HMCN1: variants seen among roughly 807,000 people sequenced by gnomAD.
HMCN1 encodes the protein hemicentin 1, also known as hemicentin-1.
A neutral mutation model predicts 625.9 loss-of-function variants in HMCN1; 321 were observed. The observed-to-expected ratio is 0.51, with a 90% CI of 0.47 to 0.56. The LOEUF (loss-of-function observed/expected upper bound fraction) is 0.56. Ranked by LOEUF, HMCN1 falls within the 20% of genes least tolerant of loss-of-function variation. The probability of loss-of-function intolerance (pLI) is 0.00; values close to 1 mark genes in which losing one functional copy is unlikely to be tolerated. For missense variants in HMCN1, 6,588 were observed against 6,887.3 expected (o/e 0.96, Z 1.54); for synonymous variants, 2,425 against 2,417.6 (o/e 1.00, Z -0.09).
At chr1:185,895,020 C>T (rs781084519) in intron 4 of HMCN1, among the ~76,000 whole-genome samples, 17 of 152,006 alleles carry the variant, frequency 1.1e-4, no homozygotes, top group Non-Finnish European at 2.2e-4. Flanking sequence ...TTCTGAGTCA[C>T]GAGTTAGTTA....
At chr1:186,084,229 A>T (rs1659341084) in intron 57 of HMCN1, among the ~76,000 whole-genome samples, 1 of 152,162 alleles carries the variant, frequency 6.6e-6, no homozygotes. Flanking sequence ...TGGTCTCCCT[A>T]AACCTAGAAT....
At position 186,160,065 on chromosome 1, in the gene HMCN1, T is replaced by G. The variant is rs543944788; in HGVS notation, c.15257-5046T>G. Among the ~76,000 whole-genome samples, 1,203 of 151,610 alleles carry G rather than the reference T, an allele frequency of 7.9e-3. 9 individuals carry two copies. The highest frequency in any genetic ancestry group is 0.013 in the Non-Finnish European group (873 of 67,886). On this transcript the variant is annotated intron_variant, in intron 97 of 106. Transcript: ENST00000271588. ...CCATCTGGTCCTGGACTCTTTTTGG[T>G]TGGTAAGCTATTGATTATTGCCACA...
At chr1:186,084,809 T>C (rs150157302) in intron 57 of HMCN1, among the ~76,000 whole-genome samples, 2 of 152,234 alleles carry the variant, frequency 1.3e-5, no homozygotes, top group East Asian at 1.9e-4. Context: ...CCAAATGTTT[T>C]ATATAGGTTA....
chr1:185,912,108 A>T (rs1236084863), intron 6 of HMCN1, among the ~76,000 whole-genome samples: 1 of 152,200 alleles, frequency 6.6e-6, no homozygotes, highest in Non-Finnish European at 1.5e-5. Context: ...TAACGGTTAG[A>T]GCCATAGGCT....
chr1:186,169,705 TA>T (rs2102630607), intron 100 of HMCN1, among the ~76,000 whole-genome samples: 1 of 152,236 alleles, frequency 6.6e-6, no homozygotes, highest in Non-Finnish European at 1.5e-5. Flanking sequence ...GACTTAAACG[TA>T]AGACCTAAAA....
chr1:185,939,113 A>C (rs1210744811), intron 11 of HMCN1, among the ~76,000 whole-genome samples: 3 of 152,164 alleles, frequency 2.0e-5, no homozygotes, highest in Non-Finnish European at 4.4e-5. Flanking sequence ...TCAAAATTGG[A>C]GAGGCCATGG....
intron 4 of HMCN1, among the ~76,000 whole-genome samples, chr1:185,897,720 T>A (rs1461449591): frequency 6.6e-6 from 1 of 152,180 alleles, no homozygotes; most frequent in Non-Finnish European, 1.5e-5. Context: ...CTGTTATGTA[T>A]TTATATGTCT....
rs1185102259 is a variant in HMCN1, at chr1:186,063,096, A to ATATATATATATATATATATATG, written c.7513+503_7513+504insATATATATATATATGTATATAT. ...TATATATATATATATATATATATAT[A>ATATATATATATATATATATATG]TATATATCACATTTTCATTACCCAA... On this transcript the variant is annotated intron_variant, in intron 48 of 106. Coordinates refer to ENST00000271588, the MANE Select transcript of HMCN1 (RefSeq NM_031935.3). Among the ~76,000 whole-genome samples, 87 of 115,380 alleles carry ATATATATATATATATATATATG rather than the reference A, an allele frequency of 7.5e-4. 4 individuals are homozygous for ATATATATATATATATATATATG. The highest frequency in any genetic ancestry group is 2.9e-3 in the African/African-American group (76 of 26,204). The allele number at this position is 115,380 out of a possible 152,430, so 75.7% of individuals were successfully genotyped here.
intron 1 of HMCN1, among the ~76,000 whole-genome samples, chr1:185,771,786 T>G (rs750877855): frequency 2.6e-5 from 4 of 152,186 alleles, no homozygotes; most frequent in Non-Finnish European, 5.9e-5. Flanking sequence ...CAGAATCTGT[T>G]GATACAGATA....
Position 186,057,294 on chromosome 1 carries a change from A to G in HMCN1, c.7205A>G (p.Asn2402Ser), listed in dbSNP as rs1250845457. 1.9e-6 allele frequency: 3 copies of G among 1,610,628 alleles called. No homozygotes were observed. Among genetic ancestry groups the G allele is most frequent in the Non-Finnish European group, 2.5e-6 (3 of 1,177,268 alleles). Residue 2402 changes from asparagine (N) to serine (S), a missense_variant, in exon 46 of 107, where the codon AAC becomes AGC. By Grantham distance (46) the Asn-to-Ser change is conservative. Around this residue, in one of 3 missense-constraint regions of HMCN1, gnomAD observed 4,628 missense variants for 4,853.1 expected, o/e 0.95. Transcript: ENST00000271588. ...GAAAATATTAGTGTGGTAGAAAAGA[A>G]CTCAGTATCTTTGACTTGTGAAGCT... ...SPENISVVEK[N>S]SVSLTCEASG... is the part of the protein sequence containing the mutation.
At chr1:186,133,349 A>G (rs1162410277) in intron 86 of HMCN1, among the ~76,000 whole-genome samples, 1 of 152,202 alleles carries the variant, frequency 6.6e-6, no homozygotes, top group Non-Finnish European at 1.5e-5. Flanking sequence ...AGGAGCTCAA[A>G]AGTGCTCCAG....
At chr1:185,966,302 G>A (rs755064464) in intron 14 of HMCN1, among the ~76,000 whole-genome samples, 14 of 152,054 alleles carry the variant, frequency 9.2e-5, no homozygotes, top group Admixed American at 7.2e-4. Context: ...AGATTCACAA[G>A]GATACTTTCT....
rs1654491655 is a variant in HMCN1, at chr1:186,018,259, G to A, written c.5377G>A (p.Ala1793Thr). ...ILLNGRKLVI[A>T]QAQVSNTGLY... is the part of the protein sequence containing the mutation. ...ATTAAATGGACGCAAACTGGTTATT[G>A]CTCAGGCTCAAGTGTCAAACACAGG... The change falls in exon 34 of 107, where the codon GCT (alanine) becomes ACT (threonine). Residue 1793 changes from alanine (A) to threonine (T), a missense_variant. Around this residue, in one of 3 missense-constraint regions of HMCN1, gnomAD observed 4,628 missense variants for 4,853.1 expected, o/e 0.95. Transcript: ENST00000271588. 3 of 1,612,868 alleles carry A rather than the reference G, an allele frequency of 1.9e-6. No individual in the cohort carries two copies. Among genetic ancestry groups the A allele is most frequent in the Non-Finnish European group, 2.5e-6 (3 of 1,179,090 alleles).
intron 1 of HMCN1, among the ~76,000 whole-genome samples, chr1:185,821,907 T>A (rs1178505572): frequency 6.6e-6 from 1 of 151,222 alleles, no homozygotes; most frequent in Non-Finnish European, 1.5e-5. Context: ...AAAAAAAGCT[T>A]TACAACAATA....
rs747194468 is a variant in HMCN1 at position 186,039,763 on chromosome 1, G to A, written c.6064G>A (p.Ala2022Thr). ...AATTTCTGGCAGCAATAACATGGTGGCAGTGGTGGTTAATAACCCGGTGAG... is the reference window on the plus strand; with the variant it reads ...AATTTCTGGCAGCAATAACATGGTGACAGTGGTGGTTAATAACCCGGTGAG... Reference protein sequence around the residue: ...PSISGSNNMVAVVVNNPVRLE... With the variant: ...PSISGSNNMVTVVVNNPVRLE... Residue 2022 changes from alanine (A) to threonine (T), a missense_variant, in exon 39 of 107, where the codon GCA becomes ACA. This residue lies in a region of HMCN1 where 4,628 missense variants were observed against 4,853.1 expected (regional missense o/e 0.95). Coordinates refer to ENST00000271588, the MANE Select transcript of HMCN1 (RefSeq NM_031935.3). 1 of 1,613,492 alleles carries A rather than the reference G, an allele frequency of 6.2e-7. No individual in the cohort carries two copies. The highest frequency in any genetic ancestry group is 8.5e-7 in the Non-Finnish European group (1 of 1,179,576).
chr1:186,062,005 G>A (rs1471782351), intron 47 of HMCN1, 41 bp downstream of exon 47: 1 of 1,245,342 alleles, frequency 8.0e-7, no homozygotes, highest in Non-Finnish European at 1.2e-6. Context: ...AACTTAAATT[G>A]CCTTAAATCC....
intron 104 of HMCN1, among the ~76,000 whole-genome samples, chr1:186,180,984 G>A (rs528309843): frequency 6.6e-6 from 1 of 152,066 alleles, no homozygotes; most frequent in African/African-American, 2.4e-5. Flanking sequence ...TGTTAGGCTT[G>A]GGCTAAAGTT....
intron 1 of HMCN1, among the ~76,000 whole-genome samples, chr1:185,800,063 C>T (rs1346558821): frequency 6.6e-6 from 1 of 152,180 alleles, no homozygotes; most frequent in Non-Finnish European, 1.5e-5. Context: ...AGCAGAGGTG[C>T]CTCTACCATG....
chr1:185,998,969 C>CT (rs1652993708), intron 25 of HMCN1, among the ~76,000 whole-genome samples: 1 of 151,990 alleles, frequency 6.6e-6, no homozygotes, highest in African/African-American at 2.4e-5. Context: ...TCAGTTTAAC[C>CT]TTTTTGTTCT....
Sources: allele counts gnomAD v4.1 joint callset (sites outside exome capture counted in the v4.1 genomes callset), GRCh38; gene constraint gnomAD v4.1.1; regional missense constraint gnomAD v4.1.1; transcripts MANE v1.5; gene names NCBI Gene and HGNC (gene_info 2026-07-23, HGNC 2026-07-21).